ENTREP2: variants seen among roughly 807,000 people sequenced by gnomAD.
ENTREP2 encodes the protein endosomal transmembrane epsin interactor 2, also known as protein ENTREP2.
At chr15:29,206,387 G>A in the ENTREP2 span, among the ~76,000 whole-genome samples, 1 of 152,108 alleles carries the variant, frequency 6.6e-6, no homozygotes, top group Non-Finnish European at 1.5e-5. Flanking sequence ...GAAATTCGGG[G>A]GTGGGGGACA....
the ENTREP2 span, among the ~76,000 whole-genome samples, chr15:29,209,692 A>G: frequency 3.3e-5 from 5 of 152,084 alleles, no homozygotes; most frequent in East Asian, 1.9e-4. Context: ...CTCCGCCTGG[A>G]AAGTGCGGGT....
the ENTREP2 span, among the ~76,000 whole-genome samples, chr15:29,563,247 C>T: frequency 1.3e-5 from 2 of 152,226 alleles, no homozygotes; most frequent in African/African-American, 2.4e-5. Flanking sequence ...TTATGCTATT[C>T]TATTGCTTTG....
At chr15:29,268,879 T>C in the ENTREP2 span, 1 of 1,614,174 alleles carries the variant, frequency 6.2e-7, no homozygotes, top group South Asian at 1.1e-5. Flanking sequence ...TGGCCAGTCC[T>C]TGGGGTCTTG....
At chr15:29,223,614 T>C in the ENTREP2 span, among the ~76,000 whole-genome samples, 1 of 152,134 alleles carries the variant, frequency 6.6e-6, no homozygotes, top group African/African-American at 2.4e-5. Flanking sequence ...CGGATGGTCT[T>C]TTTTCCCACT....
chr15:29,291,933 C>T, the ENTREP2 span, among the ~76,000 whole-genome samples: 1 of 151,822 alleles, frequency 6.6e-6, no homozygotes, highest in East Asian at 1.9e-4. Context: ...TTATTATTAC[C>T]ATTTTAAATC....
chr15:29,556,644 C>T, the ENTREP2 span, among the ~76,000 whole-genome samples: 8 of 152,162 alleles, frequency 5.3e-5, no homozygotes, highest in East Asian at 1.9e-4. Context: ...GGCTGACTCC[C>T]GCACATTTCT....
chr15:29,197,821 C>T, the ENTREP2 span, among the ~76,000 whole-genome samples: 1 of 151,270 alleles, frequency 6.6e-6, no homozygotes, highest in African/African-American at 2.4e-5. Flanking sequence ...TAACACTGAA[C>T]ATGAAACAAG....
the ENTREP2 span, among the ~76,000 whole-genome samples, chr15:29,426,557 C>T: frequency 6.6e-6 from 1 of 152,132 alleles, no homozygotes; most frequent in Non-Finnish European, 1.5e-5. Context: ...TTGTCTCATT[C>T]CTCTCAGTTG....
chr15:29,637,956 G>A, the ENTREP2 span, among the ~76,000 whole-genome samples: 22 of 152,292 alleles, frequency 1.4e-4, no homozygotes, highest in African/African-American at 4.3e-4. Flanking sequence ...TGGCCAGGAG[G>A]ATGCCCCACA....
the ENTREP2 span, among the ~76,000 whole-genome samples, chr15:29,211,755 A>T: frequency 6.6e-6 from 1 of 152,050 alleles, no homozygotes; most frequent in Admixed American, 6.5e-5. Context: ...TTTGTATTTA[A>T]TTCTGTTTAT....
At chr15:29,309,744 A>G in the ENTREP2 span, among the ~76,000 whole-genome samples, 1 of 149,892 alleles carries the variant, frequency 6.7e-6, no homozygotes, top group Non-Finnish European at 1.5e-5. Context: ...AGCTGAGATC[A>G]TGCCACTGCA....
chr15:29,500,711 G>C, the ENTREP2 span, among the ~76,000 whole-genome samples: 4 of 151,870 alleles, frequency 2.6e-5, no homozygotes, highest in East Asian at 7.7e-4. Context: ...ACTTAAAAAA[G>C]AGCAAATTAA....
chr15:29,378,812 T>C, the ENTREP2 span, among the ~76,000 whole-genome samples: 1 of 152,242 alleles, frequency 6.6e-6, no homozygotes, highest in Non-Finnish European at 1.5e-5. Flanking sequence ...TGTATATCTA[T>C]CTATATCTGC....
the ENTREP2 span, among the ~76,000 whole-genome samples, chr15:29,481,282 T>A: frequency 6.6e-6 from 1 of 152,142 alleles, no homozygotes; most frequent in Non-Finnish European, 1.5e-5. Flanking sequence ...AAAATGCAGA[T>A]CCTGCTACAA....
At chr15:29,299,319 G>A in the ENTREP2 span, among the ~76,000 whole-genome samples, 1 of 152,186 alleles carries the variant, frequency 6.6e-6, no homozygotes, top group South Asian at 2.1e-4. Context: ...AGGCACAGTG[G>A]AGATGGCTTG....
At chr15:29,180,592 A>T in the ENTREP2 span, among the ~76,000 whole-genome samples, 1 of 152,116 alleles carries the variant, frequency 6.6e-6, no homozygotes, top group Non-Finnish European at 1.5e-5. Flanking sequence ...TGAACCCAGG[A>T]GACGGAGGTT....
the ENTREP2 span, among the ~76,000 whole-genome samples, chr15:29,579,638 G>C: frequency 7.2e-6 from 1 of 138,398 alleles, no homozygotes; most frequent in Non-Finnish European, 1.5e-5. Flanking sequence ...TCCTGCCTCA[G>C]CCTCCAGAGT....
chr15:29,386,415 A>T, the ENTREP2 span, among the ~76,000 whole-genome samples: 1 of 152,154 alleles, frequency 6.6e-6, no homozygotes, highest in Non-Finnish European at 1.5e-5. Flanking sequence ...GAAGCGAACC[A>T]CACCCTTGTC....
the ENTREP2 span, among the ~76,000 whole-genome samples, chr15:29,321,420 C>T: frequency 1.3e-5 from 2 of 151,998 alleles, no homozygotes; most frequent in African/African-American, 4.8e-5. Context: ...GAGGCCAAGG[C>T]GGGTGGATCA....
Sources: allele counts gnomAD v4.1 joint callset (sites outside exome capture counted in the v4.1 genomes callset), GRCh38; gene constraint gnomAD v4.1.1; transcripts MANE v1.5; gene names NCBI Gene and HGNC (gene_info 2026-07-23, HGNC 2026-07-21).